MAST4: variants seen among roughly 807,000 people sequenced by gnomAD.
MAST4 encodes the protein microtubule associated serine/threonine kinase family member 4.
In MAST4, 89 loss-of-function variants were observed where a neutral mutation model predicts 162.7. The observed-to-expected ratio is 0.55, with a 90% CI of 0.46 to 0.65. The LOEUF (loss-of-function observed/expected upper bound fraction) is 0.65, where lower values mean the gene tolerates loss of function less well. MAST4 is among the 30% of genes least tolerant of loss of function. The probability of loss-of-function intolerance (pLI) is 0.00; values close to 1 mark genes in which losing one functional copy is unlikely to be tolerated. For missense variants in MAST4, 3,153 were observed against 3,374.0 expected (o/e 0.93, Z 1.62); for synonymous variants, 1,479 against 1,361.1 (o/e 1.09, Z -1.91).
At chr5:66,687,469 TG>T (rs1286678489) in intron 1 of MAST4, among the ~76,000 whole-genome samples, 1 of 152,018 alleles carries the variant, frequency 6.6e-6, no homozygotes, top group African/African-American at 2.4e-5. Flanking sequence ...ATAGTATACA[TG>T]TATATATGTA....
chr5:66,756,502 C>G (rs1376409791), intron 1 of MAST4, among the ~76,000 whole-genome samples: 1 of 152,126 alleles, frequency 6.6e-6, no homozygotes, highest in African/African-American at 2.4e-5. Flanking sequence ...TAGTTCAACT[C>G]CTTGTAGTAT....
At chr5:66,821,106 T>C (rs930042981) in intron 3 of MAST4, among the ~76,000 whole-genome samples, 1 of 152,220 alleles carries the variant, frequency 6.6e-6, no homozygotes, top group African/African-American at 2.4e-5. Context: ...TTTTGCTAAA[T>C]GAAATGTGTT....
chr5:67,155,962 A>G (rs2151092878), intron 26 of MAST4, among the ~76,000 whole-genome samples: 1 of 151,738 alleles, frequency 6.6e-6, no homozygotes, highest in Middle Eastern at 3.4e-3. Flanking sequence ...CAGGAGGCTG[A>G]GACAGAGAAT....
rs1397663467 is a variant in MAST4 at position 66,837,899 on chromosome 5, T to A, written c.642+49105T>A. Among the ~76,000 whole-genome samples the A allele has an allele frequency of 3.9e-3, 119 of 30,516 alleles. 1 individual carries two copies. The highest frequency in any genetic ancestry group is 7.8e-3 in the African/African-American group (102 of 13,032). The allele number at this position is 30,516 out of a possible 152,430, so 20.0% of individuals were successfully genotyped here. A position where few individuals can be genotyped will look rare whatever the true frequency, so the allele number is the denominator to read the frequency against. On this transcript the variant is annotated intron_variant, in intron 3 of 28. Coordinates refer to ENST00000403625, the MANE Select transcript of MAST4 (RefSeq NM_001164664.2). ...ATATATATATATATATATATATTTT[T>A]TTTTTTTTTTTTTTTTTTAATGTGG... is the stretch of plus-strand genomic sequence containing the variant.
intron 3 of MAST4, chr5:66,870,880 C>T (rs114340583): frequency 3.8e-4 from 180 of 471,146 alleles, no homozygotes; most frequent in African/African-American, 2.2e-3. Context: ...CCCTGGGCAA[C>T]GGGTGTGCAT....
At chr5:67,102,757 A>C (rs1765166972) in intron 9 of MAST4, 146 bp downstream of exon 9, 1 of 657,940 alleles carries the variant, frequency 1.5e-6, no homozygotes, top group South Asian at 1.9e-5. Context: ...TTAGAAAGAG[A>C]AAATAACTAA....
At chr5:67,024,355 A>C (rs900388690) in intron 4 of MAST4, among the ~76,000 whole-genome samples, 1 of 123,770 alleles carries the variant, frequency 8.1e-6, no homozygotes, top group Non-Finnish European at 1.5e-5. Context: ...ACACACACAT[A>C]CATATAGATA....
intron 7 of MAST4, 71 bp from the exon 8 acceptor site, chr5:67,100,364 T>C: frequency 6.7e-7 from 1 of 1,502,010 alleles, no homozygotes; most frequent in Non-Finnish European, 9.2e-7. Flanking sequence ...GTTTAACTCA[T>C]CGATCTCTCC....
chr5:66,820,872 C>A (rs924945452), intron 3 of MAST4, among the ~76,000 whole-genome samples: 1 of 151,832 alleles, frequency 6.6e-6, no homozygotes, highest in Non-Finnish European at 1.5e-5. Context: ...GGCTAATATG[C>A]CAGAAATAAT....
chr5:66,815,373 C>T (rs1046442048), intron 3 of MAST4, among the ~76,000 whole-genome samples: 3 of 152,192 alleles, frequency 2.0e-5, no homozygotes, highest in Admixed American at 6.5e-5. Flanking sequence ...TGACAGATTA[C>T]ATTCACATGA....
At chr5:67,109,992 C>A in intron 10 of MAST4, 106 bp from the exon 11 acceptor site, 1 of 761,946 alleles carries the variant, frequency 1.3e-6, no homozygotes. Flanking sequence ...CTAAATTACT[C>A]GATTTTTGAA....
intron 1 of MAST4, among the ~76,000 whole-genome samples, chr5:66,741,694 T>C (rs1253695816): frequency 1.3e-5 from 2 of 152,092 alleles, no homozygotes; most frequent in African/African-American, 4.8e-5. Context: ...CTGTAACCTT[T>C]AGAGAAATAT....
At chr5:66,871,013 A>G (rs1760892655) in intron 3 of MAST4, among the ~76,000 whole-genome samples, 1 of 152,160 alleles carries the variant, frequency 6.6e-6, no homozygotes, top group Admixed American at 6.6e-5. Flanking sequence ...AAGACCATAC[A>G]CGTCAGTGGT....
At chr5:66,804,573 A>G (rs558658082) in intron 3 of MAST4, among the ~76,000 whole-genome samples, 13 of 152,244 alleles carry the variant, frequency 8.5e-5, no homozygotes, top group Non-Finnish European at 1.8e-4. Context: ...CCCACTGGCC[A>G]AAGTAAGCCA....
chr5:66,807,126 A>G (rs1369478550), intron 3 of MAST4, among the ~76,000 whole-genome samples: 1 of 152,260 alleles, frequency 6.6e-6, no homozygotes, highest in African/African-American at 2.4e-5. Context: ...TAATCACATC[A>G]TGGAGAAAGA....
At chr5:66,767,607 T>A (rs191759109) in intron 2 of MAST4, among the ~76,000 whole-genome samples, 1 of 151,394 alleles carries the variant, frequency 6.6e-6, no homozygotes, top group Non-Finnish European at 1.5e-5. Context: ...AGGATATATA[T>A]ACACACACAC....
intron 3 of MAST4, among the ~76,000 whole-genome samples, chr5:66,845,247 T>A (rs951106230): frequency 1.3e-5 from 2 of 151,388 alleles, no homozygotes; most frequent in Non-Finnish European, 2.9e-5. Flanking sequence ...TAGGCATTTC[T>A]CCTAATGCTA....
chr5:66,726,429 T>G (rs1751522676), intron 1 of MAST4, among the ~76,000 whole-genome samples: 1 of 151,782 alleles, frequency 6.6e-6, no homozygotes, highest in Non-Finnish European at 1.5e-5. Flanking sequence ...GGCAAGGAAA[T>G]GATAAGATAG....
chr5:67,009,510 T>G (rs1166217713), intron 4 of MAST4, among the ~76,000 whole-genome samples: 5 of 152,232 alleles, frequency 3.3e-5, no homozygotes, highest in African/African-American at 1.2e-4. Flanking sequence ...ATGTTAACTT[T>G]GGACTTCACT....
Sources: allele counts gnomAD v4.1 joint callset (sites outside exome capture counted in the v4.1 genomes callset), GRCh38; gene constraint gnomAD v4.1.1; transcripts MANE v1.5; gene names NCBI Gene and HGNC (gene_info 2026-07-23, HGNC 2026-07-21).